The following P4HA1 variants were observed in gnomAD, a reference collection of about 807,000 sequenced individuals.
P4HA1 encodes the protein prolyl 4-hydroxylase subunit alpha 1.
A neutral mutation model predicts 72.8 loss-of-function variants in P4HA1; 24 were observed. That is an observed-to-expected ratio of 0.33 (90% CI 0.24 to 0.46). The LOEUF is 0.46. Ranked by LOEUF, P4HA1 falls within the 20% of genes least tolerant of loss-of-function variation. The pLI is 1.00. For missense variants in P4HA1, 446 were observed against 640.6 expected (o/e 0.70, Z 3.28); for synonymous variants, 201 against 218.8 (o/e 0.92, Z 0.72).
chr10:73,032,736 G>A (rs979182850), intron 9 of P4HA1, among the ~76,000 whole-genome samples: 1 of 152,166 alleles, frequency 6.6e-6, no homozygotes, highest in African/African-American at 2.4e-5. Flanking sequence ...GCTGCCAGAC[G>A]AAGCCAAAGC....
Position 73,058,116 on chromosome 10 carries a change from AAAAG to A in P4HA1, c.464-4530_464-4527del, listed in dbSNP as rs1192984250. ...AAAAAAAAAAAAAAAAAAAAAAAAA[AAAAG>A]GTGAATAAAGACAACATTGATAGGG... On this transcript the variant is annotated intron_variant, in intron 5 of 14. Coordinates refer to ENST00000394890, the MANE Select transcript of P4HA1 (RefSeq NM_001017962.3). Among the ~76,000 whole-genome samples, 48 of 150,474 alleles carry A rather than the reference AAAAG, an allele frequency of 3.2e-4. 1 individual carries two copies. The highest frequency in any genetic ancestry group is 1.1e-3 in the African/African-American group (43 of 40,680).
chr10:73,077,044 G>A (rs1841713076), intron 1 of P4HA1, among the ~76,000 whole-genome samples: 1 of 152,222 alleles, frequency 6.6e-6, no homozygotes, highest in African/African-American at 2.4e-5. Context: ...CACACAGTAA[G>A]GAAATACACT....
Position 73,095,522 on chromosome 10 carries a change from T to TAA in P4HA1, c.-33+1242_-33+1243dup, listed in dbSNP as rs3065972. On this transcript the variant is annotated intron_variant, in intron 1 of 14. Transcript: ENST00000394890. ...GGAAATACGTTTCTAACCAGAACTT[T>TAA]AAAAAAAAAAAAAAAAAAGAGTAAA... Among the ~76,000 whole-genome samples the TAA allele has an allele frequency of 2.1e-3, 281 of 133,518 alleles. 3 individuals carry two copies. The highest frequency in any genetic ancestry group is 6.5e-3 in the African/African-American group (240 of 37,082). The allele number at this position is 133,518 out of a possible 152,430, so 87.6% of individuals were successfully genotyped here. A position where few individuals can be genotyped will look rare whatever the true frequency, so the allele number is the denominator to read the frequency against.
chr10:73,078,508 T>G (rs1841751595), intron 1 of P4HA1, among the ~76,000 whole-genome samples: 1 of 151,266 alleles, frequency 6.6e-6, no homozygotes, highest in African/African-American at 2.4e-5. Context: ...CGAAGAAAAA[T>G]TAACATCATA....
At chr10:73,045,177 C>T (rs978644121) in intron 8 of P4HA1, 126 bp from the exon 9 acceptor site, 9 of 671,328 alleles carry the variant, frequency 1.3e-5, no homozygotes, top group Non-Finnish European at 2.0e-5. Context: ...CCATACACTT[C>T]CAGTCACCTT....
At chr10:73,020,305 T>C (rs1392530314) in intron 10 of P4HA1, among the ~76,000 whole-genome samples, 1 of 151,688 alleles carries the variant, frequency 6.6e-6, no homozygotes, top group Non-Finnish European at 1.5e-5. Context: ...CTAGAAGAAA[T>C]GGATAAATTC....
In P4HA1 at chr10:73,044,994, T is replaced by G. The variant is rs200154425; in HGVS notation, c.1135A>C (p.Arg379=). 39 of 1,613,228 alleles carry G rather than the reference T, an allele frequency of 2.4e-5. No individual in the cohort carries two copies. The highest frequency in any genetic ancestry group is 2.8e-5 in the Non-Finnish European group (33 of 1,179,452). ...CACATCTCTTACCTTTTGCTAATTC[T>G]GTAATGTACCGTCTCCAAGTCTCCT... The part of the protein sequence containing the change: ...ITGDLETVHY[R]ISKSAWLSGY... Residue 379 remains arginine (R), a synonymous_variant, in exon 9 of 15, where the codon AGA becomes CGA. Transcript: ENST00000394890.
chr10:73,066,533 T>G lies in P4HA1; in HGVS notation c.463+2313A>C, dbSNP rs545385911. Among the ~76,000 whole-genome samples the G allele has an allele frequency of 8.5e-4, 130 of 152,276 alleles. 2 individuals carry two copies. In the Middle Eastern group the frequency reaches 0.017, roughly 20 times the overall value. ...TGTTTTCTTTTTTGCTTTTTGTTTTTTGAGATAGGGGTCTCACTCTGTTGC... is the reference window on the plus strand; with the variant it reads ...TGTTTTCTTTTTTGCTTTTTGTTTTGTGAGATAGGGGTCTCACTCTGTTGC... On this transcript the variant is annotated intron_variant, in intron 5 of 14. Coordinates refer to ENST00000394890, the MANE Select transcript of P4HA1 (RefSeq NM_001017962.3).
intron 1 of P4HA1, among the ~76,000 whole-genome samples, chr10:73,076,496 C>A (rs1841700565): frequency 6.6e-6 from 1 of 151,884 alleles, no homozygotes; most frequent in South Asian, 2.1e-4. Context: ...TAAAAAAAAA[C>A]TTAGCCTAAG....
intron 5 of P4HA1, among the ~76,000 whole-genome samples, chr10:73,068,191 TTTGA>T (rs1841471604): frequency 6.6e-6 from 1 of 152,156 alleles, no homozygotes; most frequent in South Asian, 2.1e-4. Flanking sequence ...AAGAAAACAT[TTTGA>T]TTAACAACTC....
intron 5 of P4HA1, among the ~76,000 whole-genome samples, chr10:73,060,029 A>C (rs1841275516): frequency 6.6e-6 from 1 of 152,182 alleles, no homozygotes; most frequent in Admixed American, 6.5e-5. Flanking sequence ...AAATGAACTC[A>C]ACTGTATAAC....
intron 1 of P4HA1, among the ~76,000 whole-genome samples, chr10:73,093,907 T>TATATACAC (rs1256283876): frequency 4.1e-4 from 23 of 55,606 alleles, no homozygotes; most frequent in African/African-American, 9.4e-4. Flanking sequence ...TATATATATA[T>TATATACAC]ACACACACAC....
At chr10:73,067,844 C>G (rs1841464166) in intron 5 of P4HA1, among the ~76,000 whole-genome samples, 1 of 152,132 alleles carries the variant, frequency 6.6e-6, no homozygotes, top group Non-Finnish European at 1.5e-5. Flanking sequence ...TCCAAGCACT[C>G]ATCTTACTAT....
intron 6 of P4HA1, among the ~76,000 whole-genome samples, chr10:73,053,001 T>C (rs181430683): frequency 1.3e-5 from 2 of 152,342 alleles, no homozygotes; most frequent in Admixed American, 6.5e-5. Context: ...TAAATCACTT[T>C]ATTTTAAAAT....
chr10:73,068,837 T>C lies in P4HA1; in HGVS notation c.463+9A>G. 6.2e-7 allele frequency: 1 copy of C among 1,608,564 alleles called. No individual in the cohort carries two copies. The highest frequency in any genetic ancestry group is 1.3e-5 in the African/African-American group (1 of 74,930). On this transcript the variant is annotated intron_variant, in intron 5 of 14. Transcript: ENST00000394890. ...ATAGGTATTTTATAGAATGGAAGAA[T>C]GATCTTACCTGGAAGATTACCCTTT...
intron 1 of P4HA1, among the ~76,000 whole-genome samples, chr10:73,093,448 CT>C (rs1842079338): frequency 6.6e-6 from 1 of 152,050 alleles, no homozygotes; most frequent in Non-Finnish European, 1.5e-5. Context: ...ATTGCCAAAG[CT>C]TTTCTTTAGG....
intron 1 of P4HA1, among the ~76,000 whole-genome samples, chr10:73,075,307 C>T (rs1411451259): frequency 6.6e-6 from 1 of 152,082 alleles, no homozygotes; most frequent in African/African-American, 2.4e-5. Context: ...CAAGGTTTTG[C>T]TATGTTGGCC....
Position 73,073,814 on chromosome 10 carries a change from A to T in P4HA1, c.90T>A (p.Asp30Glu). The change falls in exon 3 of 15, where the codon GAT becomes GAA. Residue 30 changes from aspartate (D) to glutamate (E), a missense_variant. Asp to Glu is a conservative substitution (Grantham distance 45). Transcript: ENST00000394890. ...GFFTSIGQMT[D>E]LIHTEKDLVT... ...CCAGATCTTTCTCAGTATGGATCAA[A>T]TCAGTCATCTGACCTAGAAGGGGAA... 1.9e-6 allele frequency: 3 copies of T among 1,546,834 alleles called. No homozygotes were observed. Among genetic ancestry groups the T allele is most frequent in the Non-Finnish European group, 1.8e-6 (2 of 1,119,508 alleles).
intron 9 of P4HA1, among the ~76,000 whole-genome samples, chr10:73,037,571 A>ATATATATATT (rs1238501206): frequency 3.3e-5 from 1 of 30,612 alleles, no homozygotes; most frequent in Non-Finnish European, 5.9e-5. Context: ...ATATATATAT[A>ATATATATATT]TTTTTTTTTT....
Sources: gnomAD v4.1 joint callset for allele counts (sites outside exome capture counted in the v4.1 genomes callset) on GRCh38, gnomAD v4.1.1 for gene constraint, MANE v1.5 for transcripts, NCBI Gene and HGNC (gene_info 2026-07-23, HGNC 2026-07-21) for gene names.